The following EXOC4 variants were observed in gnomAD, a reference collection of about 807,000 sequenced individuals.
EXOC4 encodes exocyst complex component 4, also known as SEC8-like 1.
EXOC4 carries 71 observed loss-of-function variants against 107.2 expected under a neutral mutation model. That is an observed-to-expected ratio of 0.66 (90% CI 0.55 to 0.81). EXOC4 has a LOEUF of 0.81. Ranked by LOEUF, EXOC4 falls within the 30% of genes least tolerant of loss-of-function variation. The pLI, the probability that EXOC4 is intolerant of heterozygous loss-of-function variation, is 0.00. For synonymous variants in EXOC4, 456 were observed against 441.2 expected (o/e 1.03, Z -0.42); for missense variants, 1,108 against 1,189.6 (o/e 0.93, Z 1.01).
chr7:134,016,756 G>A (rs1794917084), intron 17 of EXOC4, among the ~76,000 whole-genome samples: 1 of 152,156 alleles, frequency 6.6e-6, no homozygotes, highest in Admixed American at 6.5e-5. Context: ...CTACAAACCT[G>A]TTGCACCGGG....
intron 10 of EXOC4, among the ~76,000 whole-genome samples, chr7:133,639,728 A>G (rs1802805292): frequency 6.6e-6 from 1 of 152,206 alleles, no homozygotes; most frequent in Non-Finnish European, 1.5e-5. Flanking sequence ...TGCACTTGAA[A>G]TAATTGCTGG....
At chr7:133,726,719 C>T (rs1427793283) in intron 10 of EXOC4, among the ~76,000 whole-genome samples, 1 of 152,116 alleles carries the variant, frequency 6.6e-6, no homozygotes, top group Admixed American at 6.6e-5. Context: ...TGAGTACTTC[C>T]CCTTCCCTCC....
chr7:133,443,360 G>A (rs776665308), intron 7 of EXOC4, among the ~76,000 whole-genome samples: 1 of 152,162 alleles, frequency 6.6e-6, no homozygotes, highest in Non-Finnish European at 1.5e-5. Context: ...AGTCTCTTGC[G>A]CAGTACAGAA....
chr7:133,493,875 A>T (rs1231742621), intron 9 of EXOC4, among the ~76,000 whole-genome samples: 1 of 152,194 alleles, frequency 6.6e-6, no homozygotes. Flanking sequence ...ATAAATATTA[A>T]TGGCCATGAT....
At chr7:133,467,584 CTTTTTT>C (rs35955637) in intron 7 of EXOC4, among the ~76,000 whole-genome samples, 1 of 122,660 alleles carries the variant, frequency 8.2e-6, no homozygotes, top group African/African-American at 3.0e-5. Context: ...ATTACAGATT[CTTTTTT>C]TTTTTTTTTT....
chr7:133,659,478 A>T (rs543490502), intron 10 of EXOC4, among the ~76,000 whole-genome samples: 2 of 152,048 alleles, frequency 1.3e-5, no homozygotes, highest in Admixed American at 1.3e-4. Context: ...TGTTATTTGC[A>T]TTTCTTCCCT....
intron 10 of EXOC4, among the ~76,000 whole-genome samples, chr7:133,695,999 T>A (rs1163170391): frequency 6.6e-6 from 1 of 152,232 alleles, no homozygotes; most frequent in Non-Finnish European, 1.5e-5. Flanking sequence ...TAGAGGTTAT[T>A]TGTACTGCTT....
intron 9 of EXOC4, among the ~76,000 whole-genome samples, chr7:133,508,362 A>T (rs1212537769): frequency 6.6e-6 from 1 of 152,166 alleles, no homozygotes; most frequent in Non-Finnish European, 1.5e-5. Context: ...TGCATTTCTA[A>T]CAAGTCCTTT....
At chr7:133,991,296 T>G (rs1794253575) in intron 14 of EXOC4, among the ~76,000 whole-genome samples, 5 of 152,110 alleles carry the variant, frequency 3.3e-5, no homozygotes, top group Admixed American at 3.3e-4. Context: ...TCGTTTTTTG[T>G]TTTTTGTTTT....
At chr7:133,701,452 C>T (rs1028984025) in intron 10 of EXOC4, among the ~76,000 whole-genome samples, 16 of 152,204 alleles carry the variant, frequency 1.1e-4, no homozygotes, top group South Asian at 2.1e-4. Context: ...CCTTGTTATG[C>T]TGGTTGTTGG....
intron 5 of EXOC4, among the ~76,000 whole-genome samples, chr7:133,329,733 G>T (rs990565354): frequency 1.3e-4 from 20 of 152,148 alleles, no homozygotes; most frequent in Non-Finnish European, 4.4e-5. Context: ...GATTTTGTTT[G>T]CCTGGGTATC....
chr7:134,061,755 G>A (rs1348220466), intron 17 of EXOC4, among the ~76,000 whole-genome samples: 1 of 152,094 alleles, frequency 6.6e-6, no homozygotes, highest in Non-Finnish European at 1.5e-5. Context: ...AGATGACATA[G>A]GGCATCATTT....
At chr7:133,794,266 C>T (rs183329295) in intron 10 of EXOC4, among the ~76,000 whole-genome samples, 35 of 152,208 alleles carry the variant, frequency 2.3e-4, no homozygotes, top group African/African-American at 7.5e-4. Context: ...CATGTACATT[C>T]GGGAGACATC....
chr7:133,364,215 AC>A (rs879833501), intron 6 of EXOC4, among the ~76,000 whole-genome samples: 1 of 148,168 alleles, frequency 6.7e-6, no homozygotes, highest in African/African-American at 2.5e-5. Flanking sequence ...TGTAGCCTTG[AC>A]CCCCCCTGGG....
chr7:133,787,958 TATATTTATATATATATATATATATATA>T lies in EXOC4; in HGVS notation c.1515-29366_1515-29340del, dbSNP rs1796614786. The stretch of plus-strand genomic sequence containing the variant: ...TACTTCTTCCCTGTGCATATATTTA[TATATTTATATATATATATATATATATA>T]TATATATATATATATATATATATAT... On this transcript the variant is annotated intron_variant, in intron 10 of 17. Transcript: ENST00000253861. Among the ~76,000 whole-genome samples the T allele has an allele frequency of 1.6e-3, 83 of 52,980 alleles. 4 individuals carry two copies. Among genetic ancestry groups the T allele is most frequent in the African/African-American group, 2.6e-3 (36 of 13,898 alleles). 34.8% of individuals were successfully genotyped at this position (52,980 alleles called of 152,430 possible). A position where few individuals can be genotyped will look rare whatever the true frequency, so the allele number is the denominator to read the frequency against.
intron 10 of EXOC4, among the ~76,000 whole-genome samples, chr7:133,635,054 T>C (rs966642934): frequency 1.3e-5 from 2 of 152,164 alleles, no homozygotes; most frequent in Non-Finnish European, 2.9e-5. Flanking sequence ...AAGGAAGATA[T>C]GTTAATGTTG....
At chr7:133,684,027 C>T (rs923595595) in intron 10 of EXOC4, among the ~76,000 whole-genome samples, 3 of 152,206 alleles carry the variant, frequency 2.0e-5, no homozygotes, top group East Asian at 3.9e-4. Flanking sequence ...TAGAAAGCTA[C>T]GGGATCACAT....
chr7:133,561,321 A>G (rs1020229366), intron 9 of EXOC4, among the ~76,000 whole-genome samples: 5 of 152,202 alleles, frequency 3.3e-5, no homozygotes, highest in African/African-American at 1.2e-4. Context: ...CTTAAATTTT[A>G]CAAGCCAAGT....
At chr7:133,949,604 A>G (rs768696095) in intron 14 of EXOC4, among the ~76,000 whole-genome samples, 1 of 152,232 alleles carries the variant, frequency 6.6e-6, no homozygotes, top group Non-Finnish European at 1.5e-5. Context: ...CTTTTCAGCA[A>G]GTCTGTCAAA....
Sources: gnomAD v4.1 joint callset for allele counts (sites outside exome capture counted in the v4.1 genomes callset) on GRCh38, gnomAD v4.1.1 for gene constraint, MANE v1.5 for transcripts, NCBI Gene and HGNC (gene_info 2026-07-23, HGNC 2026-07-21) for gene names.